Variants in NDUFAF7 observed in about 807,000 individuals in gnomAD.
The protein encoded by NDUFAF7 is protein arginine methyltransferase NDUFAF7, mitochondrial.
In NDUFAF7, 48 loss-of-function variants were observed where a neutral mutation model predicts 47.2. That is an observed-to-expected ratio of 1.02 (90% confidence interval 0.81 to 1.29). The LOEUF is 1.29. Among genes scored for constraint, NDUFAF7 ranks in the 50% most tolerant of loss-of-function variants. The pLI, the probability that NDUFAF7 is intolerant of heterozygous loss-of-function variation, is 0.00. For missense variants in NDUFAF7, 635 were observed against 537.6 expected, an observed-to-expected ratio of 1.18 and a Z score of -1.79; for synonymous variants, 217 against 190.0, an observed-to-expected ratio of 1.14 and a Z score of -1.17.
chr2:37,232,246 G>T lies in NDUFAF7; in HGVS notation c.196G>T (p.Val66Leu), dbSNP rs1056116455. 14 of 1,613,110 alleles carry T rather than the reference G, an allele frequency of 8.7e-6. No homozygotes were observed. Among genetic ancestry groups the T allele is most frequent in the Non-Finnish European group, 1.1e-5 (13 of 1,180,026 alleles). ...CACTGTGGCCGAGTACATGAAGGAGGTGTTGACTAATCCAGCCAAGGTATG... is the reference window on the plus strand; with the variant it reads ...CACTGTGGCCGAGTACATGAAGGAGTTGTTGACTAATCCAGCCAAGGTATG... ...PITVAEYMKEVLTNPAKGYYV... is the reference protein window; with the variant it reads ...PITVAEYMKELLTNPAKGYYV... Residue 66 changes from valine to leucine, a missense_variant, in exon 2 of 10, where the codon GTG (valine) becomes TTG (leucine). Coordinates refer to ENST00000002125, the MANE Select transcript of NDUFAF7 (RefSeq NM_144736.5).
chr2:37,247,666 T>C (rs201575456), intron 9 of NDUFAF7, 37 bp downstream of exon 9: 51 of 1,606,494 alleles, frequency 3.2e-5, no homozygotes, highest in Non-Finnish European at 4.2e-5. Flanking sequence ...TTAAGTACTT[T>C]CATAGTATTT....
At chr2:37,249,643 G>GACAGACACACACACACACACAC (rs1261022368), downstream of NDUFAF7, among the ~76,000 whole-genome samples, 43 of 132,618 alleles carry the variant, frequency 3.2e-4, no homozygotes, top group African/African-American at 9.2e-4. Context: ...CTGTGATAGA[G>GACAGACACACACACACACACAC]ACACACACAC....
At chr2:37,255,416 A>G (rs572816529), downstream of NDUFAF7, among the ~76,000 whole-genome samples, 64 of 152,344 alleles carry the variant, frequency 4.2e-4, 1 homozygote, top group African/African-American at 1.5e-3. Context: ...TAATGTTTTA[A>G]GTAGTGTACT....
the NDUFAF7 span, among the ~76,000 whole-genome samples, chr2:37,261,495 A>C: frequency 1.7e-3 from 237 of 139,990 alleles, 2 homozygotes; most frequent in African/African-American, 6.1e-3. Flanking sequence ...TCAAATAAAA[A>C]AAAGGCCGGG....
At position 37,243,985 on chromosome 2, in the gene NDUFAF7, CT is replaced by C; in HGVS notation, c.792+18del. 6.3e-7 allele frequency: 1 copy of C among 1,579,680 alleles called. No homozygotes were observed. Among genetic ancestry groups the C allele is most frequent in the Non-Finnish European group, 8.7e-7 (1 of 1,150,224 alleles). On this transcript the variant is annotated intron_variant, in intron 7 of 9. Transcript: ENST00000002125. ...AAGCCTTCATACAAGTAAGAATATG[CT>C]TTTTTAAGTTTCTTTTATTGCTCAC... is the stretch of plus-strand genomic sequence containing the variant.
intron 5 of NDUFAF7, 139 bp from the exon 6 acceptor site, chr2:37,242,496 A>G: frequency 1.5e-6 from 1 of 676,596 alleles, no homozygotes; most frequent in Non-Finnish European, 2.6e-6. Context: ...TCTGCAGTGT[A>G]AGTTTTCCAT....
the NDUFAF7 span, chr2:37,260,388 A>C: frequency 1.2e-6 from 2 of 1,608,160 alleles, no homozygotes; most frequent in Non-Finnish European, 1.7e-6. Context: ...GCAAATTCTG[A>C]AGAGAGGTTG....
intron 7 of NDUFAF7, among the ~76,000 whole-genome samples, chr2:37,245,149 A>C (rs996911968): frequency 2.0e-5 from 3 of 152,244 alleles, no homozygotes; most frequent in African/African-American, 7.2e-5. Flanking sequence ...TATAAGGAAG[A>C]AAACAACTCA....
At chr2:37,243,817 G>T in intron 6 of NDUFAF7, 46 bp from the exon 7 acceptor site, 2 of 1,461,438 alleles carry the variant, frequency 1.4e-6, no homozygotes, top group Non-Finnish European at 1.9e-6. Context: ...GCAATGTAGA[G>T]AACAAACTTG....
rs760158009 is a variant in NDUFAF7, at chr2:37,231,714, A to G, written c.9A>G (p.Val3=). ...AGCCTGCGAATTTCAGCATGAGTGT[A>G]CTGCTGAGGTCAGGTTTGGGGCCGT... MS[V]LLRSGLGPLC... is the part of the protein sequence containing the mutation. The change falls in exon 1 of 10, where the codon GTA becomes GTG. Residue 3 remains valine, a synonymous_variant. Transcript: ENST00000002125. 5.8e-5 allele frequency: 94 copies of G among 1,614,194 alleles called. No individual in the cohort carries two copies. The East Asian group carries it at 2.0e-3, about 34-fold the overall frequency.
intron 7 of NDUFAF7, among the ~76,000 whole-genome samples, chr2:37,244,280 AG>A (rs1205528344): frequency 6.6e-6 from 1 of 152,254 alleles, no homozygotes; most frequent in East Asian, 1.9e-4. Context: ...TATTGTCCAC[AG>A]GAAGAGTTTA....
At chr2:37,253,387 A>G, downstream of NDUFAF7, 1 of 1,547,526 alleles carries the variant, frequency 6.5e-7, no homozygotes, top group African/African-American at 1.4e-5. Context: ...GAAACAAAAG[A>G]AACAAAATAC....
chr2:37,263,210 T>C, the NDUFAF7 span, among the ~76,000 whole-genome samples: 1 of 152,186 alleles, frequency 6.6e-6, no homozygotes, highest in Non-Finnish European at 1.5e-5. Flanking sequence ...GGCGCTGATA[T>C]ATATGCAGTA....
chr2:37,267,327 T>C, the NDUFAF7 span: 5 of 741,822 alleles, frequency 6.7e-6, no homozygotes, highest in African/African-American at 9.1e-5. Flanking sequence ...TATATTACCA[T>C]AATCTAATTT....
At position 37,232,037 on chromosome 2, in the gene NDUFAF7, G is replaced by C. The variant is rs1020451424; in HGVS notation, c.56-69G>C. On this transcript the variant is annotated intron_variant, in intron 1 of 9. Coordinates refer to ENST00000002125, the MANE Select transcript of NDUFAF7 (RefSeq NM_144736.5). ...GGGTTCACGAAGCTGTTTTGAAAAC[G>C]CTCAGGCGGCTTGCGCTCGTGAATG... The C allele has an allele frequency of 1.9e-6, 3 of 1,612,596 alleles. No individual in the cohort carries two copies. In the East Asian group the frequency reaches 6.7e-5, roughly 36 times the overall value.
chr2:37,253,381 C>A, downstream of NDUFAF7: 1 of 1,549,776 alleles, frequency 6.5e-7, no homozygotes, highest in South Asian at 1.2e-5. Context: ...AATGATGAAA[C>A]AAAAGAAACA....
chr2:37,233,977 T>C (rs555865434), intron 2 of NDUFAF7, among the ~76,000 whole-genome samples: 13 of 152,336 alleles, frequency 8.5e-5, no homozygotes, highest in South Asian at 4.1e-4. Context: ...GTGGAAATCA[T>C]TGGTATTTCC....
At chr2:37,260,322 AAAGACTCG>A in the NDUFAF7 span, 1 of 1,609,734 alleles carries the variant, frequency 6.2e-7, no homozygotes, top group South Asian at 1.1e-5. Flanking sequence ...CCATTACTAC[AAAGACTCG>A]TTCTGGGGTT....
chr2:37,246,105 C>G lies in NDUFAF7; in HGVS notation c.846C>G (p.Ile282Met), dbSNP rs145121976. ...VEVCPDAGVI[I>M]EELSQRIALT... ...TGTGTCCTGATGCTGGTGTTATCAT[C>G]GAGGAACTTTCTCAACGCATTGCAT... The change falls in exon 8 of 10, where the codon ATC (isoleucine) becomes ATG (methionine). Residue 282 changes from isoleucine (I) to methionine (M), a missense_variant. Ile to Met is a conservative substitution (Grantham distance 10). Transcript: ENST00000002125. 1.2e-6 allele frequency: 2 copies of G among 1,613,844 alleles called. No individual in the cohort carries two copies. The highest frequency in any genetic ancestry group is 1.7e-6 in the Non-Finnish European group (2 of 1,179,834).
Sources: allele counts gnomAD v4.1 joint callset (sites outside exome capture counted in the v4.1 genomes callset), GRCh38; gene constraint gnomAD v4.1.1; transcripts MANE v1.5; gene names NCBI Gene and HGNC (gene_info 2026-07-23, HGNC 2026-07-21).